Variants in CSMD1 observed in about 807,000 individuals in gnomAD.
CSMD1 encodes the protein CUB and Sushi multiple domains 1, also known as CUB and sushi domain-containing protein 1.
CSMD1 carries 213 observed loss-of-function variants against 417.5 expected under a neutral mutation model. That is an observed-to-expected ratio of 0.51 (90% CI 0.46 to 0.57). The LOEUF (loss-of-function observed/expected upper bound fraction) is 0.57. CSMD1 is among the 20% of genes least tolerant of loss of function. CSMD1 has a pLI of 0.00. For synonymous variants in CSMD1, 2,862 were observed against 1,736.8 expected (o/e 1.65, Z -16.11); for missense variants, 6,923 against 4,529.7 (o/e 1.53, Z -15.17).
At chr8:2,995,920 T>A (rs1431921167) in intron 54 of CSMD1, among the ~76,000 whole-genome samples, 1 of 152,200 alleles carries the variant, frequency 6.6e-6, no homozygotes, top group Non-Finnish European at 1.5e-5. Context: ...TGCGTGGGTG[T>A]GTTTATAAGC....
chr8:4,759,589 C>T (rs1048361234), intron 1 of CSMD1, among the ~76,000 whole-genome samples: 12 of 152,058 alleles, frequency 7.9e-5, no homozygotes, highest in Non-Finnish European at 2.9e-5. Flanking sequence ...GTCAGGTCCC[C>T]ATGTGTGTTG....
At chr8:3,946,525 A>G (rs1242460974) in intron 5 of CSMD1, among the ~76,000 whole-genome samples, 1 of 152,118 alleles carries the variant, frequency 6.6e-6, no homozygotes. Flanking sequence ...TGGCAATTTC[A>G]TATGAATTTT....
chr8:4,196,397 C>G (rs1362305224), intron 3 of CSMD1, among the ~76,000 whole-genome samples: 2 of 152,228 alleles, frequency 1.3e-5, no homozygotes, highest in East Asian at 1.9e-4. Flanking sequence ...ACAGGCCTCA[C>G]TAGACAAAAA....
intron 23 of CSMD1, among the ~76,000 whole-genome samples, chr8:3,332,879 C>A (rs538725434): frequency 8.5e-5 from 13 of 152,296 alleles, no homozygotes; most frequent in African/African-American, 2.6e-4. Context: ...GAGCTGACAA[C>A]TGAACATGGC....
chr8:4,116,434 G>A (rs763050314), intron 3 of CSMD1, among the ~76,000 whole-genome samples: 7 of 151,574 alleles, frequency 4.6e-5, no homozygotes, highest in East Asian at 1.9e-4. Flanking sequence ...ATCAGATGGC[G>A]ACGTATGAGT....
At chr8:4,463,030 T>G (rs1283142980) in intron 2 of CSMD1, among the ~76,000 whole-genome samples, 1 of 152,194 alleles carries the variant, frequency 6.6e-6, no homozygotes, top group Non-Finnish European at 1.5e-5. Flanking sequence ...AGGGAAAGTT[T>G]GCAAATTATA....
chr8:3,421,893 C>A (rs190586577), intron 12 of CSMD1, among the ~76,000 whole-genome samples: 4 of 148,904 alleles, frequency 2.7e-5, no homozygotes, highest in Non-Finnish European at 5.9e-5. Flanking sequence ...CCACCTTGGC[C>A]GCCCAAAGTG....
Position 3,586,264 on chromosome 8 carries a change from A to T in CSMD1, c.1098-4T>A, listed in dbSNP as rs117264731. On this transcript the variant is annotated splice_polypyrimidine_tract_variant and splice_region_variant and intron_variant, in intron 8 of 69. Transcript: ENST00000635120. ...AAACTGTACATTTGCACCAACCCTA[A>T]GCCGTTAAAAAAGAAAAAAAAAAAC... 1 of 1,539,826 alleles carries T rather than the reference A, an allele frequency of 6.5e-7. No homozygotes were observed. Among genetic ancestry groups the T allele is most frequent in the Non-Finnish European group, 8.7e-7 (1 of 1,152,650 alleles).
At chr8:4,619,896 T>C (rs1422277352) in intron 2 of CSMD1, among the ~76,000 whole-genome samples, 1 of 152,062 alleles carries the variant, frequency 6.6e-6, no homozygotes, top group Non-Finnish European at 1.5e-5. Context: ...TAAATATTAG[T>C]ACTGGGCCAA....
At chr8:3,485,599 C>T (rs1432451654) in intron 11 of CSMD1, among the ~76,000 whole-genome samples, 1 of 145,092 alleles carries the variant, frequency 6.9e-6, no homozygotes, top group Non-Finnish European at 1.5e-5. Context: ...ACAAATAAAA[C>T]AGGAAATTAA....
chr8:3,978,656 G>A (rs1182158843), intron 5 of CSMD1, among the ~76,000 whole-genome samples: 1 of 152,112 alleles, frequency 6.6e-6, no homozygotes, highest in East Asian at 1.9e-4. Context: ...CCTCCTCGTG[G>A]TGATGATGAA....
rs186013810 is a variant in CSMD1 at position 3,083,554 on chromosome 8, T to C, written c.7474+3543A>G. On this transcript the variant is annotated intron_variant, in intron 49 of 69. Transcript: ENST00000635120. ...TTAATCTGTTATACACAGCCAAATG[T>C]GCAACTCTATATTCCAGGTCATGCT... 1.3e-3 allele frequency among the ~76,000 whole-genome samples: 184 copies of C among 138,072 alleles called. 4 individuals are homozygous for C. The highest frequency in any genetic ancestry group is 0.013 in the Admixed American group (170 of 13,194). 90.6% of individuals were successfully genotyped at this position (138,072 alleles called of 152,430 possible).
chr8:3,234,207 T>C (rs1454075479), intron 26 of CSMD1, among the ~76,000 whole-genome samples: 2 of 152,184 alleles, frequency 1.3e-5, no homozygotes, highest in Non-Finnish European at 1.5e-5. Flanking sequence ...TCTCTCCATT[T>C]CTGCATTTCA....
At chr8:3,278,680 A>C (rs1802497793) in intron 26 of CSMD1, 1 of 152,172 alleles carries the variant, frequency 6.6e-6, no homozygotes, top group African/African-American at 2.4e-5. Context: ...CAGGTTCATA[A>C]AGACAAAAAA....
intron 23 of CSMD1, 99 bp downstream of exon 23, chr8:3,343,195 G>T: frequency 1.9e-6 from 2 of 1,032,480 alleles, no homozygotes; most frequent in Non-Finnish European, 2.9e-6. Context: ...ACAGTAGGCA[G>T]CCAGAAAAAA....
At position 3,230,113 on chromosome 8, in the gene CSMD1, T is replaced by A. The variant is rs754803884; in HGVS notation, c.4272A>T (p.Gln1424His). 2 of 1,613,846 alleles carry A rather than the reference T, an allele frequency of 1.2e-6. No individual in the cohort carries two copies. The highest frequency in any genetic ancestry group is 2.2e-5 in the South Asian group (2 of 91,068). Residue 1424 changes from glutamine to histidine, a missense_variant, in exon 27 of 70, where the codon CAA becomes CAT. Physicochemically the swap from Gln to His is conservative, Grantham distance 24 (BLOSUM62 0). Transcript: ENST00000635120. ...TFQCDPGYQLQGQAKITCVQL... is the reference protein window; with the variant it reads ...TFQCDPGYQLHGQAKITCVQL... ...GCACACAGGTGATTTTGGCTTGTCC[T>A]TGGAGCTGATAGCCAGGGTCACACT...
At chr8:4,426,012 A>G (rs1797529678) in intron 2 of CSMD1, among the ~76,000 whole-genome samples, 2 of 152,104 alleles carry the variant, frequency 1.3e-5, no homozygotes, top group African/African-American at 4.8e-5. Flanking sequence ...AACATTTTAA[A>G]ATGTGTTTTC....
intron 21 of CSMD1, among the ~76,000 whole-genome samples, chr8:3,356,192 T>A (rs1405128339): frequency 8.5e-5 from 13 of 152,214 alleles, no homozygotes; most frequent in Admixed American, 8.5e-4. Flanking sequence ...GCCTCTTTTT[T>A]GCCACAGGCA....
At chr8:3,277,797 A>G (rs552559189) in intron 26 of CSMD1, among the ~76,000 whole-genome samples, 4 of 152,204 alleles carry the variant, frequency 2.6e-5, no homozygotes, top group African/African-American at 9.7e-5. Flanking sequence ...AGAATTGGAC[A>G]TTTATTAACT....
Sources: gnomAD v4.1 joint callset for allele counts (sites outside exome capture counted in the v4.1 genomes callset) on GRCh38, gnomAD v4.1.1 for gene constraint, MANE v1.5 for transcripts, NCBI Gene and HGNC (gene_info 2026-07-23, HGNC 2026-07-21) for gene names.